Variants in STXBP5 observed in about 807,000 individuals in gnomAD.
STXBP5 encodes the protein syntaxin-binding protein 5.
STXBP5 carries 50 observed loss-of-function variants against 152.4 expected under a neutral mutation model. The ratio of observed to expected loss-of-function variants is 0.33; its 90% CI spans 0.26 to 0.42. The LOEUF is 0.42. Among genes scored for constraint, STXBP5 ranks in the 10% least tolerant of loss-of-function variants. STXBP5 has a pLI of 1.00. For synonymous variants in STXBP5, 492 were observed against 494.7 expected (o/e 0.99, Z 0.07); for missense variants, 1,167 against 1,388.6 (o/e 0.84, Z 2.54).
At chr6:147,298,139 G>A (rs1036144300) in intron 9 of STXBP5, among the ~76,000 whole-genome samples, 33 of 152,060 alleles carry the variant, frequency 2.2e-4, no homozygotes, top group Non-Finnish European at 4.4e-5. Flanking sequence ...TAGACTGAAA[G>A]TGAAAGTATG....
At chr6:147,307,885 A>G (rs1782173101) in intron 9 of STXBP5, among the ~76,000 whole-genome samples, 1 of 152,158 alleles carries the variant, frequency 6.6e-6, no homozygotes, top group Admixed American at 6.5e-5. Flanking sequence ...CTACCTAGCT[A>G]CCATGGTGTC....
intron 2 of STXBP5, among the ~76,000 whole-genome samples, chr6:147,209,988 C>T (rs1298934019): frequency 1.3e-5 from 2 of 152,114 alleles, no homozygotes; most frequent in African/African-American, 4.8e-5. Context: ...AGTTAGGAAT[C>T]ATAGTTATGT....
chr6:147,219,938 T>C (rs1437594669), intron 2 of STXBP5, among the ~76,000 whole-genome samples: 1 of 151,694 alleles, frequency 6.6e-6, no homozygotes, highest in Non-Finnish European at 1.5e-5. Flanking sequence ...GGGTTCAGTT[T>C]CCTCTTCTTT....
intron 9 of STXBP5, among the ~76,000 whole-genome samples, chr6:147,302,016 C>G (rs545377488): frequency 6.6e-6 from 1 of 152,306 alleles, no homozygotes; most frequent in African/African-American, 2.4e-5. Flanking sequence ...TAGAACACCT[C>G]TTTTAGTAGC....
intron 9 of STXBP5, among the ~76,000 whole-genome samples, chr6:147,300,518 C>T (rs1781752710): frequency 6.6e-6 from 1 of 151,884 alleles, no homozygotes; most frequent in African/African-American, 2.4e-5. Flanking sequence ...GTATCTATAG[C>T]CAGTTGATTT....
chr6:147,313,786 A>G lies in STXBP5; in HGVS notation c.1146-98A>G, dbSNP rs111326156. 1.5e-4 allele frequency: 114 copies of G among 761,034 alleles called. No individual in the cohort carries two copies. The African/African-American group carries it at 1.7e-3, about 12-fold the overall frequency. 47.1% of individuals were successfully genotyped at this position (761,034 alleles called of 1,614,324 possible). A position where few individuals can be genotyped will look rare whatever the true frequency, so the allele number is the denominator to read the frequency against. On this transcript the variant is annotated intron_variant, in intron 11 of 27. Transcript: ENST00000321680. ...CAAAAATTAAATCAATTTAATCTCT[A>G]TGATAGAATGTATGTTTTTTAAAGT...
At chr6:147,349,925 G>A (rs1446864698) in intron 21 of STXBP5, among the ~76,000 whole-genome samples, 9 of 152,142 alleles carry the variant, frequency 5.9e-5, no homozygotes, top group Admixed American at 1.3e-4. Context: ...GTCATTTCAA[G>A]TTCTGCATTC....
chr6:147,244,054 G>A (rs2115236892), intron 4 of STXBP5, among the ~76,000 whole-genome samples: 1 of 151,914 alleles, frequency 6.6e-6, no homozygotes, highest in South Asian at 2.1e-4. Flanking sequence ...GAAAATATTT[G>A]GGGGAAAAAT....
intron 8 of STXBP5, among the ~76,000 whole-genome samples, chr6:147,287,191 TAC>T (rs1562463131): frequency 2.9e-5 from 4 of 138,860 alleles, no homozygotes; most frequent in African/African-American, 1.1e-4. Flanking sequence ...AACTTAATTG[TAC>T]ATTTTTTTTT....
At position 147,204,841 on chromosome 6, in the gene STXBP5, T is replaced by C. The variant is rs1315827196; in HGVS notation, c.150+159T>C. ...TCGCTCCTCCCTTGGCAAACGTTTC[T>C]TCGGTGGGTTGTTTTGGAGATTGAT... is the stretch of plus-strand genomic sequence containing the variant. On this transcript the variant is annotated intron_variant, in intron 1 of 27. Coordinates refer to ENST00000321680, the MANE Select transcript of STXBP5 (RefSeq NM_001127715.4). This position sits in a 1 kb window ranked among gnomAD's most constrained non-coding sequence, Gnocchi z 4.3. Among the ~76,000 whole-genome samples, 1 of 152,192 alleles carries C rather than the reference T, an allele frequency of 6.6e-6. No homozygotes were observed. The highest frequency in any genetic ancestry group is 2.4e-5 in the African/African-American group (1 of 41,442).
chr6:147,324,253 GT>G (rs1366562253), intron 16 of STXBP5, among the ~76,000 whole-genome samples: 12 of 94,180 alleles, frequency 1.3e-4, no homozygotes, highest in African/African-American at 4.3e-4. Context: ...GTTTTGTGGG[GT>G]TTTTTTTTGG....
intron 9 of STXBP5, 124 bp downstream of exon 9, chr6:147,291,296 CT>C (rs1362858753): frequency 1.3e-5 from 8 of 615,782 alleles, no homozygotes; most frequent in African/African-American, 3.9e-5. Flanking sequence ...AAATTTTATG[CT>C]TTTTTTATTT....
intron 2 of STXBP5, among the ~76,000 whole-genome samples, chr6:147,215,370 G>A (rs1022944725): frequency 6.6e-6 from 1 of 152,026 alleles, no homozygotes; most frequent in African/African-American, 2.4e-5. Flanking sequence ...AAAAGAATCA[G>A]TAATTTTTTT....
At position 147,349,088 on chromosome 6, in the gene STXBP5, A is replaced by G. The variant is rs60712264; in HGVS notation, c.2255-4235A>G. Among the ~76,000 whole-genome samples, 1,176 of 152,280 alleles carry G rather than the reference A, an allele frequency of 7.7e-3. 17 individuals carry two copies. Among genetic ancestry groups the G allele is most frequent in the African/African-American group, 0.026 (1,081 of 41,568 alleles). ...CATATATAACATAAGATACAGTAAG[A>G]GAATATAATCTGATATAGCCCTCTG... On this transcript the variant is annotated intron_variant, in intron 21 of 27. Coordinates refer to ENST00000321680, the MANE Select transcript of STXBP5 (RefSeq NM_001127715.4).
intron 7 of STXBP5, among the ~76,000 whole-genome samples, chr6:147,273,717 C>T (rs1421729219): frequency 2.6e-5 from 4 of 152,050 alleles, no homozygotes; most frequent in Admixed American, 2.6e-4. Flanking sequence ...TTTGGGAGGC[C>T]AAGGTGGGCA....
chr6:147,384,596 A>T, intron 27 of STXBP5, 118 bp from the exon 28 acceptor site: 2 of 976,266 alleles, frequency 2.0e-6, no homozygotes, highest in Admixed American at 2.1e-5. Context: ...GTAAGCATAT[A>T]GTAGCACTAC....
Position 147,364,082 on chromosome 6 carries a change from C to A in STXBP5, c.2997C>A (p.Thr999=). The change falls in exon 25 of 28, where the codon ACC becomes ACA. Residue 999 remains threonine, a synonymous_variant. Coordinates refer to ENST00000321680, the MANE Select transcript of STXBP5 (RefSeq NM_001127715.4). ...NMRIARTFCF[T]NNGQALYLVS... is the part of the protein sequence containing the mutation. ...GGATAGCCAGAACGTTCTGCTTTAC[C>A]AACAATGGACAAGCATTATACCTTG... The A allele has an allele frequency of 6.2e-7, 1 of 1,613,916 alleles. No individual in the cohort carries two copies. Among genetic ancestry groups the A allele is most frequent in the Non-Finnish European group, 8.5e-7 (1 of 1,179,954 alleles).
At chr6:147,221,320 C>G (rs954615619) in intron 2 of STXBP5, among the ~76,000 whole-genome samples, 5 of 151,990 alleles carry the variant, frequency 3.3e-5, no homozygotes, top group African/African-American at 1.2e-4. Flanking sequence ...ACTATTACTA[C>G]TAGATCAGTT....
At chr6:147,332,928 CTCAAACCTCAAA>C (rs1783649168) in intron 18 of STXBP5, among the ~76,000 whole-genome samples, 1 of 152,124 alleles carries the variant, frequency 6.6e-6, no homozygotes, top group Admixed American at 6.6e-5. Flanking sequence ...GGACCCTCAA[CTCAAACCTCAAA>C]GTGGTTTCCC....
Sources: gnomAD v4.1 joint callset for allele counts (sites outside exome capture counted in the v4.1 genomes callset) on GRCh38, gnomAD v4.1.1 for gene constraint, Gnocchi (gnomAD v3.1) non-coding constraint, MANE v1.5 for transcripts, NCBI Gene and HGNC (gene_info 2026-07-23, HGNC 2026-07-21) for gene names.